RALYL: variants seen among roughly 807,000 people sequenced by gnomAD.
RALYL encodes RNA-binding Raly-like protein.
Under a neutral mutation model 35.1 loss-of-function variants are expected in RALYL, and 29 were observed. That is an observed-to-expected ratio of 0.83 (90% CI 0.61 to 1.13). RALYL has a LOEUF of 1.13. RALYL is among the 50% of genes most tolerant of loss of function. The pLI, the probability that RALYL is intolerant of heterozygous loss-of-function variation, is 0.00. For synonymous variants in RALYL, 120 were observed against 127.6 expected (o/e 0.94, Z 0.40); for missense variants, 359 against 360.4 (o/e 1.00, Z 0.03).
chr8:84,500,201 T>G (rs1474900371), intron 1 of RALYL, among the ~76,000 whole-genome samples: 1 of 152,148 alleles, frequency 6.6e-6, no homozygotes, highest in African/African-American at 2.4e-5. Flanking sequence ...ATGTTGCAAA[T>G]GGCTGCTTTT....
chr8:84,849,993 G>C lies in RALYL; in HGVS notation c.379G>C (p.Asp127His). The C allele has an allele frequency of 6.7e-7, 1 of 1,494,688 alleles. No individual in the cohort carries two copies. The highest frequency in any genetic ancestry group is 8.9e-7 in the Non-Finnish European group (1 of 1,118,346). 92.6% of individuals were successfully genotyped at this position (1,494,688 alleles called of 1,614,324 possible). Residue 127 changes from aspartate (D) to histidine (H), a missense_variant, in exon 5 of 9, where the codon GAC becomes CAC. Coordinates refer to ENST00000521268, the MANE Select transcript of RALYL (RefSeq NM_173848.7). ...TTCCCTCTTTAGCGGTTATGTCTTT[G>C]ACTATGATTACTACAGAGATGATTT... ...PFLSVGGYVF[D>H]YDYYRDDFYN...
chr8:84,288,605 T>C (rs1369682640), intron 1 of RALYL, among the ~76,000 whole-genome samples: 1 of 146,852 alleles, frequency 6.8e-6, no homozygotes, highest in Non-Finnish European at 1.5e-5. Flanking sequence ...TCTATTAAAT[T>C]GTATTGCCCA....
intron 4 of RALYL, among the ~76,000 whole-genome samples, chr8:84,843,885 T>C (rs1193231907): frequency 5.9e-5 from 9 of 152,192 alleles, no homozygotes; most frequent in Non-Finnish European, 4.4e-5. Context: ...CCCTATTTAA[T>C]AAATGGTGCT....
intron 2 of RALYL, among the ~76,000 whole-genome samples, chr8:84,621,072 A>C (rs1821280997): frequency 6.6e-6 from 1 of 152,184 alleles, no homozygotes. Context: ...CCAGAGGTGG[A>C]GCCTACAGAG....
At chr8:84,411,975 T>C (rs1414028187) in intron 1 of RALYL, among the ~76,000 whole-genome samples, 2 of 151,782 alleles carry the variant, frequency 1.3e-5, no homozygotes, top group African/African-American at 4.8e-5. Flanking sequence ...TCTAGTACAG[T>C]AAAGAAGAAG....
chr8:84,533,412 A>G (rs1188555962), intron 2 of RALYL, among the ~76,000 whole-genome samples: 6 of 152,210 alleles, frequency 3.9e-5, no homozygotes, highest in African/African-American at 9.6e-5. Context: ...GACTAAGACT[A>G]GACAGTGCCA....
intron 1 of RALYL, among the ~76,000 whole-genome samples, chr8:84,275,371 A>T (rs1329418817): frequency 6.6e-6 from 1 of 152,120 alleles, no homozygotes; most frequent in East Asian, 1.9e-4. Context: ...CGGAATTCAT[A>T]TTACAAGCAA....
chr8:84,663,234 C>T (rs1409707764), intron 2 of RALYL, among the ~76,000 whole-genome samples: 8 of 152,146 alleles, frequency 5.3e-5, no homozygotes, highest in East Asian at 1.9e-4. Flanking sequence ...AGTCTATAAT[C>T]GGTGGGCATT....
At chr8:84,432,391 G>A (rs2047239513) in intron 1 of RALYL, among the ~76,000 whole-genome samples, 1 of 152,090 alleles carries the variant, frequency 6.6e-6, no homozygotes, top group African/African-American at 2.4e-5. Context: ...GGGAGAAATA[G>A]GGAGCTGCTA....
intron 7 of RALYL, among the ~76,000 whole-genome samples, chr8:84,879,017 A>G (rs535229437): frequency 8.9e-6 from 1 of 112,288 alleles, no homozygotes; most frequent in Non-Finnish European, 1.6e-5. Context: ...AGAGTACTTC[A>G]CCAAAAACAC....
chr8:84,463,941 T>C (rs556468636), intron 1 of RALYL, among the ~76,000 whole-genome samples: 4 of 152,146 alleles, frequency 2.6e-5, no homozygotes, highest in Middle Eastern at 3.4e-3. Flanking sequence ...TGTATCCCTA[T>C]AGTTTCGCCT....
At chr8:84,874,126 G>A (rs1016316243) in intron 7 of RALYL, among the ~76,000 whole-genome samples, 5 of 152,142 alleles carry the variant, frequency 3.3e-5, no homozygotes, top group Non-Finnish European at 7.4e-5. Context: ...TTGGAGTTAA[G>A]ATGGGGATTA....
intron 2 of RALYL, among the ~76,000 whole-genome samples, chr8:84,599,013 G>C (rs1481060830): frequency 1.3e-5 from 2 of 151,994 alleles, no homozygotes; most frequent in African/African-American, 4.8e-5. Flanking sequence ...TTTGTGTTTT[G>C]CTGATGATTA....
chr8:84,868,004 T>C (rs927528427), intron 6 of RALYL, among the ~76,000 whole-genome samples: 1 of 152,152 alleles, frequency 6.6e-6, no homozygotes, highest in African/African-American at 2.4e-5. Context: ...CTTTTTTTTG[T>C]ATTTTATATG....
chr8:84,883,516 A>G lies in RALYL; in HGVS notation c.686-4088A>G, dbSNP rs554984110. Among the ~76,000 whole-genome samples, 4 of 152,104 alleles carry G rather than the reference A, an allele frequency of 2.6e-5. No homozygotes were observed. In the South Asian group the frequency reaches 8.3e-4, roughly 31 times the overall value. ...GGCAAGAGAGAATGAGAGCCAGGAG[A>G]AACGGGAAACCCCTTATAAAACCAT... is the stretch of plus-strand genomic sequence containing the variant. On this transcript the variant is annotated intron_variant, in intron 7 of 8. Coordinates refer to ENST00000521268, the MANE Select transcript of RALYL (RefSeq NM_173848.7).
chr8:84,732,678 A>ATG (rs1439178398), intron 2 of RALYL, among the ~76,000 whole-genome samples: 75 of 140,252 alleles, frequency 5.3e-4, no homozygotes, highest in African/African-American at 2.0e-3. Flanking sequence ...TTATATATAT[A>ATG]TATATACACA....
rs558229171 is a variant in RALYL at position 84,276,489 on chromosome 8, G to A, written c.-24+92065G>A. Among the ~76,000 whole-genome samples the A allele has an allele frequency of 5.3e-5, 8 of 152,002 alleles. No individual in the cohort carries two copies. In the South Asian group the frequency reaches 6.2e-4, roughly 12 times the overall value. Reference sequence around the variant, plus strand: ...TTTGAACCATATAACATCTTCCTGCGGTAAGAAAGAAAGCTGTTATCTCCA... The same window carrying A: ...TTTGAACCATATAACATCTTCCTGCAGTAAGAAAGAAAGCTGTTATCTCCA... On this transcript the variant is annotated intron_variant, in intron 1 of 8. Transcript: ENST00000521268.
chr8:84,881,284 A>T (rs1294525486), intron 7 of RALYL, among the ~76,000 whole-genome samples: 4 of 152,012 alleles, frequency 2.6e-5, no homozygotes. Context: ...TACTATATAC[A>T]GGTGTTGTAA....
At chr8:84,692,467 C>T (rs1838256394) in intron 2 of RALYL, among the ~76,000 whole-genome samples, 1 of 151,934 alleles carries the variant, frequency 6.6e-6, no homozygotes, top group Non-Finnish European at 1.5e-5. Flanking sequence ...CAGCATAAAT[C>T]TAATGGAAGG....
Sources: allele counts gnomAD v4.1 joint callset (sites outside exome capture counted in the v4.1 genomes callset), GRCh38; gene constraint gnomAD v4.1.1; transcripts MANE v1.5; gene names NCBI Gene and HGNC (gene_info 2026-07-23, HGNC 2026-07-21).